Variants in SLC4A7 observed in about 807,000 individuals in gnomAD.
SLC4A7 encodes solute carrier family 4 member 7.
SLC4A7 carries 51 observed loss-of-function variants against 137.6 expected under a neutral mutation model. The observed-to-expected ratio is 0.37, with a 90% CI of 0.30 to 0.47. SLC4A7 has a LOEUF of 0.47. Among genes scored for constraint, SLC4A7 ranks in the 20% least tolerant of loss-of-function variants. The pLI, the probability that SLC4A7 is intolerant of heterozygous loss-of-function variation, is 1.00. For missense variants in SLC4A7, 1,247 were observed against 1,525.4 expected (o/e 0.82, Z 3.04); for synonymous variants, 542 against 518.6 (o/e 1.05, Z -0.61).
intron 5 of SLC4A7, among the ~76,000 whole-genome samples, chr3:27,434,575 C>G (rs901968389): frequency 2.6e-5 from 4 of 152,068 alleles, no homozygotes; most frequent in African/African-American, 9.7e-5. Context: ...AAAACAGAGC[C>G]AAGTTTCTGC....
At position 27,374,461 on chromosome 3, in the gene SLC4A7, T is replaced by C. The variant is rs929145230; in HGVS notation, c.*2303A>G. The C allele has an allele frequency of 1.3e-5, 2 of 152,524 alleles. No individual in the cohort carries two copies. The highest frequency in any genetic ancestry group is 1.3e-4 in the Admixed American group (2 of 15,280). The allele number at this position is 152,524 out of a possible 1,614,324, so 9.4% of individuals were successfully genotyped here. ...TCACTGTCTCTCAATGAATGCTATCTTTGATTATTTTTCAAAAACAGTGGA... is the reference window on the plus strand; with the variant it reads ...TCACTGTCTCTCAATGAATGCTATCCTTGATTATTTTTCAAAAACAGTGGA... On this transcript the variant is annotated 3_prime_UTR_variant, in exon 26 of 26. Transcript: ENST00000454389.
At chr3:27,414,831 T>C (rs1362835974) in intron 11 of SLC4A7, among the ~76,000 whole-genome samples, 1 of 152,196 alleles carries the variant, frequency 6.6e-6, no homozygotes, top group Non-Finnish European at 1.5e-5. Flanking sequence ...TTGAAACCCT[T>C]CAACCTCCAC....
At chr3:27,408,848 A>G (rs138030547) in intron 13 of SLC4A7, among the ~76,000 whole-genome samples, 96 of 152,382 alleles carry the variant, frequency 6.3e-4, no homozygotes, top group African/African-American at 2.2e-3. Flanking sequence ...ACTTAATAAC[A>G]GCAAAATTAA....
intron 11 of SLC4A7, 141 bp downstream of exon 11, chr3:27,418,345 A>T: frequency 1.6e-6 from 1 of 636,084 alleles, no homozygotes; most frequent in Non-Finnish European, 2.7e-6. Context: ...GTCCACCCAC[A>T]GGAGGTAAGT....
intron 13 of SLC4A7, among the ~76,000 whole-genome samples, chr3:27,406,298 C>G (rs1421461685): frequency 1.3e-5 from 2 of 152,160 alleles, no homozygotes; most frequent in Non-Finnish European, 2.9e-5. Flanking sequence ...GTGTCTGGCA[C>G]ACAGAATATA....
At position 27,409,425 on chromosome 3, in the gene SLC4A7, T is replaced by A. The variant is rs758172687; in HGVS notation, c.1872A>T (p.Leu624=). Residue 624 remains leucine (L), a synonymous_variant, in exon 13 of 26, where the codon CTA becomes CTT. Coordinates refer to ENST00000454389, the MANE Select transcript of SLC4A7 (RefSeq NM_001321103.2). ...SLQCLASILF[L]YCACMSPVIT... ...TTACAGGAGACATACAGGCACAGTA[T>A]AGGAAAAGAATCGAGGCCAGGCACT... 69 of 1,613,744 alleles carry A rather than the reference T, an allele frequency of 4.3e-5. No homozygotes were observed. Among genetic ancestry groups the A allele is most frequent in the Non-Finnish European group, 5.5e-5 (65 of 1,179,858 alleles).
intron 12 of SLC4A7, among the ~76,000 whole-genome samples, chr3:27,411,173 A>C (rs756295955): frequency 2.9e-4 from 44 of 152,172 alleles, no homozygotes; most frequent in Non-Finnish European, 5.6e-4. Flanking sequence ...GTTTCCAGAG[A>C]GCAATACAAT....
intron 4 of SLC4A7, among the ~76,000 whole-genome samples, chr3:27,437,185 T>C (rs2056803209): frequency 6.6e-6 from 1 of 152,074 alleles, no homozygotes; most frequent in East Asian, 1.9e-4. Flanking sequence ...ACCCCATCTC[T>C]ACTAAAAATA....
intron 21 of SLC4A7, 97 bp from the exon 22 acceptor site, chr3:27,390,201 T>C (rs1249665889): frequency 3.7e-5 from 26 of 707,692 alleles, no homozygotes; most frequent in Middle Eastern, 2.5e-4. Context: ...GTGTATTAAA[T>C]TGTAACTTCC....
At chr3:27,420,916 C>T in intron 9 of SLC4A7, 129 bp from the exon 10 acceptor site, 1 of 552,292 alleles carries the variant, frequency 1.8e-6, no homozygotes, top group Non-Finnish European at 3.1e-6. Flanking sequence ...TACTCCCCCA[C>T]ACCAATCACT....
At chr3:27,466,108 A>G (rs1371600484) in intron 1 of SLC4A7, among the ~76,000 whole-genome samples, 1 of 152,160 alleles carries the variant, frequency 6.6e-6, no homozygotes, top group Non-Finnish European at 1.5e-5. Context: ...GATGTAAATG[A>G]TACTGCTGAC....
rs529113137 is a variant in SLC4A7, at chr3:27,484,186, C to A, written c.-60G>T. 3.3e-6 allele frequency: 4 copies of A among 1,213,176 alleles called. No individual in the cohort carries two copies. Among genetic ancestry groups the A allele is most frequent in the Admixed American group, 8.6e-5 (2 of 23,256 alleles). 75.2% of individuals were successfully genotyped at this position (1,213,176 alleles called of 1,614,324 possible). ...ACTGCCCCGCGCGGTCTGCCTGCTT[C>A]TGCCGCTGCCCCTGCCGCCGCCGCC... On this transcript the variant is annotated 5_prime_UTR_variant, in exon 1 of 26. Coordinates refer to ENST00000454389, the MANE Select transcript of SLC4A7 (RefSeq NM_001321103.2).
In SLC4A7 at chr3:27,420,711, T is replaced by A; in HGVS notation, c.1501A>T (p.Met501Leu). ...AGTATTCTGATTACCTCATCTGTCA[T>A]GAGAGTGGCTATTGATCGTCCAATT... ...HEIGRSIATL[M>L]TDEIFHDVAY... The change falls in exon 10 of 26, where the codon ATG becomes TTG. Residue 501 changes from methionine (M) to leucine (L), a missense_variant. Met to Leu is a conservative substitution (Grantham distance 15, BLOSUM62 2). Transcript: ENST00000454389. The A allele has an allele frequency of 6.2e-7, 1 of 1,610,264 alleles. No homozygotes were observed. The highest frequency in any genetic ancestry group is 8.5e-7 in the Non-Finnish European group (1 of 1,176,576).
At chr3:27,416,694 C>T (rs1326824306) in intron 11 of SLC4A7, among the ~76,000 whole-genome samples, 2 of 151,996 alleles carry the variant, frequency 1.3e-5, no homozygotes, top group Non-Finnish European at 2.9e-5. Context: ...TATATATGCA[C>T]ATAAAAAATA....
intron 9 of SLC4A7, among the ~76,000 whole-genome samples, chr3:27,421,188 G>T (rs528522627): frequency 1.3e-5 from 2 of 151,976 alleles, no homozygotes; most frequent in African/African-American, 4.8e-5. Context: ...TGGTACAGTG[G>T]CTGAATATTA....
intron 3 of SLC4A7, among the ~76,000 whole-genome samples, chr3:27,447,490 C>T (rs911914294): frequency 3.9e-5 from 6 of 152,232 alleles, no homozygotes; most frequent in Middle Eastern, 3.4e-3. Flanking sequence ...TAGCATGCAA[C>T]CGCCTATAGG....
rs762215340 is a variant in SLC4A7, at chr3:27,431,689, T to A, written c.779-20A>T. 6.7e-7 allele frequency: 1 copy of A among 1,500,390 alleles called. No homozygotes were observed. Among genetic ancestry groups the A allele is most frequent in the Admixed American group, 2.3e-5 (1 of 42,554 alleles). 92.9% of individuals were successfully genotyped at this position (1,500,390 alleles called of 1,614,324 possible). On this transcript the variant is annotated intron_variant, in intron 6 of 25. Coordinates refer to ENST00000454389, the MANE Select transcript of SLC4A7 (RefSeq NM_001321103.2). ...CTTCCCCTGAGATAAAACAAATAAA[T>A]GAAAAATGATGAAGTCCACTGCAGA...
chr3:27,456,306 G>A (rs2058405009), intron 1 of SLC4A7, among the ~76,000 whole-genome samples: 1 of 152,056 alleles, frequency 6.6e-6, no homozygotes, highest in African/African-American at 2.4e-5. Flanking sequence ...TGAACCATAT[G>A]GAGTAAATTC....
chr3:27,409,493 C>T lies in SLC4A7; in HGVS notation c.1804G>A (p.Ala602Thr). The change falls in exon 13 of 26, where the codon GCA (alanine) becomes ACA (threonine). Residue 602 changes from alanine (A) to threonine (T), a missense_variant. This residue lies in a region of SLC4A7 where 499 missense variants were observed against 664.2 expected (regional missense o/e 0.75). Transcript: ENST00000454389. ...TTGAAGTCACTCAAGAAAAAAGGTG[C>T]TTTCCTTTTGATGTCAAGTATCAAA... ...GGLILDIKRKAPFFLSDFKDA... is the reference protein window; with the variant it reads ...GGLILDIKRKTPFFLSDFKDA... The T allele has an allele frequency of 1.9e-6, 3 of 1,613,154 alleles. No homozygotes were observed. Among genetic ancestry groups the T allele is most frequent in the Non-Finnish European group, 2.5e-6 (3 of 1,179,632 alleles).
Sources: gnomAD v4.1 joint callset for allele counts (sites outside exome capture counted in the v4.1 genomes callset) on GRCh38, gnomAD v4.1.1 for gene constraint, gnomAD v4.1.1 regional missense constraint, MANE v1.5 for transcripts, NCBI Gene and HGNC (gene_info 2026-07-23, HGNC 2026-07-21) for gene names.